IL22: variants seen among roughly 807,000 people sequenced by gnomAD.
IL22 encodes the protein interleukin 22.
A neutral mutation model predicts 15.5 loss-of-function variants in IL22; 15 were observed. The observed-to-expected ratio is 0.97, with a 90% CI of 0.65 to 1.49. The LOEUF (loss-of-function observed/expected upper bound fraction) is 1.49. Among genes scored for constraint, IL22 ranks in the 40% most tolerant of loss-of-function variants. IL22 has a pLI of 0.00. For synonymous variants in IL22, 91 were observed against 82.0 expected (o/e 1.11, Z -0.60); for missense variants, 225 against 215.4 (o/e 1.04, Z -0.28).
intron 5 of IL22, 139 bp downstream of exon 5, chr12:68,251,374 A>T: frequency 1.5e-6 from 1 of 676,306 alleles, no homozygotes; most frequent in Non-Finnish European, 2.7e-6. Context: ...ATATCTACAT[A>T]CACAGACACC....
chr12:68,251,394 G>A (rs182535428), intron 5 of IL22, 119 bp downstream of exon 5: 22 of 748,620 alleles, frequency 2.9e-5, no homozygotes, highest in South Asian at 2.0e-4. Flanking sequence ...CAAAGTAATC[G>A]CCCTGGTGGT....
At chr12:68,252,867 G>A (rs1158657729) in intron 2 of IL22, 38 bp from the exon 3 acceptor site, 17 of 1,576,672 alleles carry the variant, frequency 1.1e-5, no homozygotes, top group Non-Finnish European at 1.5e-5. Context: ...TGGACATTGA[G>A]CAAATAGAAA....
chr12:68,249,359 C>G (rs1434156586), intron 5 of IL22, among the ~76,000 whole-genome samples: 1 of 152,204 alleles, frequency 6.6e-6, no homozygotes, highest in Non-Finnish European at 1.5e-5. Flanking sequence ...TTTCTTAAAA[C>G]AGTATGAGAT....
intron 5 of IL22, among the ~76,000 whole-genome samples, chr12:68,249,851 G>A (rs190490002): frequency 1.7e-3 from 259 of 151,968 alleles, no homozygotes; most frequent in African/African-American, 5.6e-3. Flanking sequence ...GCTTTCTTCC[G>A]CCCTTTCACC....
At chr12:68,252,676 C>A in intron 3 of IL22, 29 bp from the exon 4 acceptor site, 1 of 1,613,818 alleles carries the variant, frequency 6.2e-7, no homozygotes, top group Non-Finnish European at 8.5e-7. Context: ...CAGAAAGGGT[C>A]ATAAGGGATA....
chr12:68,252,821 C>T lies in IL22; in HGVS notation c.195G>A (p.Leu65=). ...RTFMLAKEAS[L]ADNNTDVRLI... Reference sequence around the variant, plus strand: ...GACGAACGTCTGTGTTGTTATCAGCCAAGCTAGCCTGGAAGAGAAGAAAAG... The same window carrying T: ...GACGAACGTCTGTGTTGTTATCAGCTAAGCTAGCCTGGAAGAGAAGAAAAG... The change falls in exon 3 of 6, where the codon TTG becomes TTA. Residue 65 remains leucine, a synonymous_variant. Coordinates refer to ENST00000538666, the MANE Select transcript of IL22 (RefSeq NM_020525.5). 1.2e-6 allele frequency: 2 copies of T among 1,613,768 alleles called. No individual in the cohort carries two copies. Among genetic ancestry groups the T allele is most frequent in the African/African-American group, 1.3e-5 (1 of 74,978 alleles).
At chr12:68,252,900 G>T in intron 2 of IL22, 71 bp from the exon 3 acceptor site, 2 of 1,157,252 alleles carry the variant, frequency 1.7e-6, no homozygotes, top group Non-Finnish European at 2.6e-6. Context: ...ATAGACATGT[G>T]CCCCATCCCG....
At chr12:68,250,436 C>T (rs1426464132) in intron 5 of IL22, among the ~76,000 whole-genome samples, 3 of 152,194 alleles carry the variant, frequency 2.0e-5, no homozygotes, top group Non-Finnish European at 4.4e-5. Flanking sequence ...GAAACAGTCA[C>T]ACTCATTAAA....
intron 1 of IL22, 34 bp from the exon 2 acceptor site, chr12:68,253,528 T>A: frequency 9.0e-7 from 1 of 1,109,468 alleles, no homozygotes; most frequent in Non-Finnish European, 1.3e-6. Flanking sequence ...ACAAAATTAG[T>A]CAAGAAGTAT....
intron 5 of IL22, 139 bp from the exon 6 acceptor site, chr12:68,249,015 C>A: frequency 1.5e-6 from 1 of 677,006 alleles, no homozygotes; most frequent in Non-Finnish European, 2.5e-6. Flanking sequence ...AGTAATATCC[C>A]TTTAGTATTG....
intron 3 of IL22, 55 bp downstream of exon 3, chr12:68,252,709 C>G: frequency 1.9e-6 from 3 of 1,611,944 alleles, no homozygotes; most frequent in Non-Finnish European, 2.5e-6. Context: ...TCATCACCAC[C>G]ACCCCAAGTA....
At position 68,253,429 on chromosome 12, in the gene IL22, G is replaced by C; in HGVS notation, c.20C>G (p.Ser7Cys). 6.2e-7 allele frequency: 1 copy of C among 1,603,964 alleles called. No homozygotes were observed. Among genetic ancestry groups the C allele is most frequent in the Non-Finnish European group, 8.5e-7 (1 of 1,174,018 alleles). ...GGTCCCCATAAGGAAAGAGCTCACAGATTTCTGCAGGGCGGCCATTGCAGA... is the reference window on the plus strand; with the variant it reads ...GGTCCCCATAAGGAAAGAGCTCACACATTTCTGCAGGGCGGCCATTGCAGA... Reference protein sequence around the residue: MAALQKSVSSFLMGTLA... With the variant: MAALQKCVSSFLMGTLA... Residue 7 changes from serine (S) to cysteine (C), a missense_variant, in exon 2 of 6, where the codon TCT becomes TGT. Coordinates refer to ENST00000538666, the MANE Select transcript of IL22 (RefSeq NM_020525.5).
chr12:68,251,577 T>G lies in IL22; in HGVS notation c.398A>C (p.His133Pro), dbSNP rs762919013. 3.1e-6 allele frequency: 5 copies of G among 1,609,094 alleles called. No individual in the cohort carries two copies. The highest frequency in any genetic ancestry group is 3.4e-6 in the Non-Finnish European group (4 of 1,175,502). ...GATATGCAGGTCATCACCTTCAATA[T>G]GCTATAAAACAATAACAAGCATAAC... Reference protein sequence around the residue: ...ARLSNRLSTCHIEGDDLHIQR... With the variant: ...ARLSNRLSTCPIEGDDLHIQR... Residue 133 changes from histidine (H) to proline (P), a missense_variant and splice_region_variant, in exon 5 of 6, where the codon CAT (histidine) becomes CCT (proline). Coordinates refer to ENST00000538666, the MANE Select transcript of IL22 (RefSeq NM_020525.5).
At chr12:68,251,454 G>A in intron 5 of IL22, 59 bp downstream of exon 5, 7 of 1,280,720 alleles carry the variant, frequency 5.5e-6, no homozygotes, top group Non-Finnish European at 8.0e-6. Context: ...AGAAAGGAAA[G>A]AAAAACAACA....
At position 68,251,550 on chromosome 12, in the gene IL22, T is replaced by C. The variant is rs1289365817; in HGVS notation, c.425A>G (p.Gln142Arg). The change falls in exon 5 of 6, where the codon CAG becomes CGG. Residue 142 changes from glutamine to arginine, a missense_variant. Transcript: ENST00000538666. The part of the protein sequence containing the change: ...CHIEGDDLHI[Q>R]RNVQKLKDTV... ...GTCCTTCAGCTTTTGCACATTCCTC[T>C]GGATATGCAGGTCATCACCTTCAAT... 4 of 1,612,614 alleles carry C rather than the reference T, an allele frequency of 2.5e-6. No homozygotes were observed. Among genetic ancestry groups the C allele is most frequent in the Non-Finnish European group, 3.4e-6 (4 of 1,178,772 alleles).
intron 4 of IL22, among the ~76,000 whole-genome samples, chr12:68,252,143 C>T (rs901033531): frequency 6.6e-6 from 1 of 152,166 alleles, no homozygotes; most frequent in African/African-American, 2.4e-5. Flanking sequence ...TAATTTCTCT[C>T]CATGCCATCC....
chr12:68,253,442 C>T lies in IL22; in HGVS notation c.7G>A (p.Ala3Thr). 9 of 1,592,894 alleles carry T rather than the reference C, an allele frequency of 5.7e-6. No homozygotes were observed. The highest frequency in any genetic ancestry group is 7.7e-6 in the Non-Finnish European group (9 of 1,167,576). Residue 3 changes from alanine (A) to threonine (T), a missense_variant, in exon 2 of 6, where the codon GCC becomes ACC. Physicochemically the swap from Ala to Thr is moderately conservative, Grantham distance 58 (BLOSUM62 0). Coordinates refer to ENST00000538666, the MANE Select transcript of IL22 (RefSeq NM_020525.5). The part of the protein sequence containing the change: MA[A>T]LQKSVSSFLM... ...AAAGAGCTCACAGATTTCTGCAGGG[C>T]GGCCATTGCAGACAATTCTAACTCG...
In IL22 at chr12:68,248,885, A is replaced by G. The variant is rs748307855; in HGVS notation, c.463-9T>C. 3.1e-6 allele frequency: 5 copies of G among 1,607,580 alleles called. No individual in the cohort carries two copies. Among genetic ancestry groups the G allele is most frequent in the Non-Finnish European group, 4.3e-6 (5 of 1,174,692 alleles). On this transcript the variant is annotated splice_polypyrimidine_tract_variant and intron_variant, in intron 5 of 5. Transcript: ENST00000538666. ...TCTCCACTCTCTCCAAGCTGTGAAAATAAGAATGCAAAAGTATTTGAGCAT... is the reference window on the plus strand; with the variant it reads ...TCTCCACTCTCTCCAAGCTGTGAAAGTAAGAATGCAAAAGTATTTGAGCAT...
intron 5 of IL22, among the ~76,000 whole-genome samples, chr12:68,251,274 AG>A (rs1403612629): frequency 9.2e-5 from 14 of 152,124 alleles, no homozygotes; most frequent in African/African-American, 3.4e-4. Context: ...CCAGAATCTG[AG>A]GTTATGTGAC....
Sources: gnomAD v4.1 joint callset for allele counts (sites outside exome capture counted in the v4.1 genomes callset) on GRCh38, gnomAD v4.1.1 for gene constraint, MANE v1.5 for transcripts, NCBI Gene and HGNC (gene_info 2026-07-23, HGNC 2026-07-21) for gene names.